The following ATP10D variants were observed in gnomAD, a reference collection of about 807,000 sequenced individuals.
ATP10D encodes the protein phospholipid-transporting ATPase VD.
ATP10D carries 89 observed loss-of-function variants against 144.8 expected under a neutral mutation model. The ratio of observed to expected loss-of-function variants is 0.61; its 90% CI spans 0.52 to 0.73. The LOEUF (loss-of-function observed/expected upper bound fraction) is 0.73. Among genes scored for constraint, ATP10D ranks in the 30% least tolerant of loss-of-function variants. The probability of loss-of-function intolerance (pLI) is 0.00; values close to 1 mark genes in which losing one functional copy is unlikely to be tolerated. For missense variants in ATP10D, 1,603 were observed against 1,714.8 expected (o/e 0.93, Z 1.15); for synonymous variants, 571 against 615.1 (o/e 0.93, Z 1.06).
chr4:47,574,658 A>T (rs1720132185), intron 18 of ATP10D, among the ~76,000 whole-genome samples: 1 of 152,226 alleles, frequency 6.6e-6, no homozygotes, highest in Non-Finnish European at 1.5e-5. Flanking sequence ...AGGCCGAAGC[A>T]GATAGATCAC....
At chr4:47,503,946 A>G (rs1715864727) in intron 1 of ATP10D, among the ~76,000 whole-genome samples, 1 of 150,398 alleles carries the variant, frequency 6.6e-6, no homozygotes, top group African/African-American at 2.4e-5. Context: ...AAAATTAAGT[A>G]CTTTAATTCA....
At chr4:47,577,968 A>G (rs1055482470) in intron 19 of ATP10D, among the ~76,000 whole-genome samples, 2 of 152,200 alleles carry the variant, frequency 1.3e-5, no homozygotes, top group African/African-American at 2.4e-5. Flanking sequence ...ATTTTCAGTC[A>G]AAGTTTTTAT....
At position 47,592,999 on chromosome 4, in the gene ATP10D, C is replaced by CATAT. The variant is rs1721111057; in HGVS notation, c.*1618_*1619insATAT. On this transcript the variant is annotated 3_prime_UTR_variant, in exon 23 of 23. Transcript: ENST00000273859. ...TTACCAGAATATTGCTTTGCCTTTT[C>CATAT]TTATATGGAAAATCACTGATGTCAT... 5 of 152,182 alleles carry CATAT rather than the reference C, an allele frequency of 3.3e-5. No homozygotes were observed. In the South Asian group the frequency reaches 1.0e-3, roughly 32 times the overall value. The allele number at this position is 152,182 out of a possible 1,614,324, so 9.4% of individuals were successfully genotyped here. A position where few individuals can be genotyped will look rare whatever the true frequency, so the allele number is the denominator to read the frequency against.
chr4:47,558,405 C>A, intron 12 of ATP10D, 132 bp downstream of exon 12: 1 of 1,273,638 alleles, frequency 7.9e-7, no homozygotes, highest in Non-Finnish European at 1.1e-6. Flanking sequence ...TAGGGGGAAG[C>A]TGCCTAGGAT....
At chr4:47,491,900 A>G (rs767336595) in intron 1 of ATP10D, among the ~76,000 whole-genome samples, 1 of 152,040 alleles carries the variant, frequency 6.6e-6, no homozygotes, top group Non-Finnish European at 1.5e-5. Flanking sequence ...TGATTATCCT[A>G]ATTTTATCTT....
intron 9 of ATP10D, among the ~76,000 whole-genome samples, chr4:47,541,835 T>C (rs1006591872): frequency 6.6e-6 from 1 of 152,080 alleles, no homozygotes; most frequent in African/African-American, 2.4e-5. Flanking sequence ...AGATCGGGGA[T>C]TAAATAATGA....
rs1714856156 is a variant in ATP10D, at chr4:47,487,915, G to A, written c.-38+2396G>A. 8.5e-5 allele frequency among the ~76,000 whole-genome samples: 13 copies of A among 152,272 alleles called. No homozygotes were observed. The South Asian group carries it at 2.7e-3, about 32-fold the overall frequency. ...CCTAGCACTTTGGGAGGCTGAGGCA[G>A]AAAGATCCCTTAAGCTCAAGGGTTC... On this transcript the variant is annotated intron_variant, in intron 1 of 22. Transcript: ENST00000273859.
intron 3 of ATP10D, among the ~76,000 whole-genome samples, chr4:47,518,409 C>T (rs908022365): frequency 6.6e-6 from 1 of 152,070 alleles, no homozygotes; most frequent in Admixed American, 6.5e-5. Flanking sequence ...AAATAGGGGC[C>T]ACTTATAAGG....
intron 1 of ATP10D, among the ~76,000 whole-genome samples, chr4:47,507,393 G>A (rs1015830434): frequency 2.6e-5 from 4 of 152,140 alleles, no homozygotes; most frequent in African/African-American, 9.7e-5. Context: ...ATCACTCTAT[G>A]CTGCTTACAG....
rs531274463 is a variant in ATP10D at position 47,554,258 on chromosome 4, A to C, written c.1636-468A>C. ...CTTATAATCATTTTTATTTTTGGAGAGTTGTTTTTTACAATAGCAGTAACT... is the reference window on the plus strand; with the variant it reads ...CTTATAATCATTTTTATTTTTGGAGCGTTGTTTTTTACAATAGCAGTAACT... On this transcript the variant is annotated intron_variant, in intron 10 of 22. Transcript: ENST00000273859. 5.3e-5 allele frequency among the ~76,000 whole-genome samples: 8 copies of C among 152,210 alleles called. No individual in the cohort carries two copies. The East Asian group carries it at 1.5e-3, about 29-fold the overall frequency.
chr4:47,563,862 A>C, intron 15 of ATP10D, 97 bp downstream of exon 15: 1 of 1,129,616 alleles, frequency 8.9e-7, no homozygotes, highest in Non-Finnish European at 1.2e-6. Flanking sequence ...AAAACAAAAC[A>C]GCAACCGTTA....
At chr4:47,501,957 T>G (rs1050933379) in intron 1 of ATP10D, among the ~76,000 whole-genome samples, 2 of 152,214 alleles carry the variant, frequency 1.3e-5, no homozygotes, top group African/African-American at 4.8e-5. Context: ...AACACAGTAT[T>G]GCTGCCATCA....
At chr4:47,565,750 A>T (rs73140061) in intron 15 of ATP10D, among the ~76,000 whole-genome samples, 30,242 of 145,512 alleles carry the variant, frequency 0.21, 3,515 homozygotes, top group East Asian at 0.5. Flanking sequence ...ATATCCATAT[A>T]AAAAAATTAC....
chr4:47,540,702 A>G (rs889237270), intron 9 of ATP10D, among the ~76,000 whole-genome samples: 8 of 152,186 alleles, frequency 5.3e-5, no homozygotes, highest in African/African-American at 1.9e-4. Context: ...ATGCTGATAC[A>G]TTATTATTAA....
intron 9 of ATP10D, among the ~76,000 whole-genome samples, chr4:47,537,780 A>G (rs1041783643): frequency 1.3e-5 from 2 of 152,198 alleles, no homozygotes; most frequent in African/African-American, 4.8e-5. Context: ...GCTATGCTTA[A>G]TGGTGGCCAC....
chr4:47,530,780 A>G (rs1717527038), intron 5 of ATP10D, among the ~76,000 whole-genome samples: 1 of 152,112 alleles, frequency 6.6e-6, no homozygotes, highest in East Asian at 1.9e-4. Flanking sequence ...AATTCTGTCT[A>G]TGTGGTGAAT....
chr4:47,578,413 G>C (rs1720344920), intron 19 of ATP10D: 1 of 152,110 alleles, frequency 6.6e-6, no homozygotes, highest in Non-Finnish European at 1.5e-5. Context: ...TTTTGGCTTT[G>C]GCTTCATGTC....
chr4:47,490,919 T>C (rs1715035434), intron 1 of ATP10D: 1 of 468,612 alleles, frequency 2.1e-6, no homozygotes, highest in Admixed American at 3.4e-5. Context: ...TCACACTTCT[T>C]GCAAATACAT....
At chr4:47,531,371 G>A (rs540555708) in intron 5 of ATP10D, among the ~76,000 whole-genome samples, 4 of 152,202 alleles carry the variant, frequency 2.6e-5, no homozygotes, top group Admixed American at 2.6e-4. Flanking sequence ...AAAGTGAAAA[G>A]AATGGCTGGC....
Sources: allele counts gnomAD v4.1 joint callset (sites outside exome capture counted in the v4.1 genomes callset), GRCh38; gene constraint gnomAD v4.1.1; transcripts MANE v1.5; gene names NCBI Gene and HGNC (gene_info 2026-07-23, HGNC 2026-07-21).